Variants in ZNF701 observed in about 807,000 individuals in gnomAD.
ZNF701 encodes the protein zinc finger protein 701.
ZNF701 carries 6 observed loss-of-function variants against 7.1 expected under a neutral mutation model. The ratio of observed to expected loss-of-function variants is 0.84; its 90% confidence interval spans 0.46 to 1.66. The LOEUF (loss-of-function observed/expected upper bound fraction) is 1.66, where lower values mean the gene tolerates loss of function less well. Among genes scored for constraint, ZNF701 ranks in the 40% most tolerant of loss-of-function variants. The probability of loss-of-function intolerance (pLI) is 0.01; values close to 1 mark genes in which losing one functional copy is unlikely to be tolerated. For missense variants in ZNF701, 541 were observed against 559.2 expected (o/e 0.97, Z 0.33); for synonymous variants, 166 against 188.2 (o/e 0.88, Z 0.97).
rs1021500557 is a variant in ZNF701, at chr19:52,586,951, C to T, written c.*3494C>T. On this transcript the variant is annotated 3_prime_UTR_variant, in exon 4 of 4. Coordinates refer to ENST00000391785, the MANE Select transcript of ZNF701 (RefSeq NM_018260.3). ...CTCCGTGTCCCCTGCAGGCCTCGCCCCGGAGCTCTACAATCCTGTGTGCAG... is the reference window on the plus strand; with the variant it reads ...CTCCGTGTCCCCTGCAGGCCTCGCCTCGGAGCTCTACAATCCTGTGTGCAG... 3 of 152,142 alleles carry T rather than the reference C, an allele frequency of 2.0e-5. No homozygotes were observed. The highest frequency in any genetic ancestry group is 7.2e-5 in the African/African-American group (3 of 41,412). The allele number at this position is 152,142 out of a possible 1,614,324, so 9.4% of individuals were successfully genotyped here.
At chr19:52,594,484 G>T in the ZNF701 span, among the ~76,000 whole-genome samples, 66,230 of 151,514 alleles carry the variant, frequency 0.44, 14,512 homozygotes, top group Middle Eastern at 0.47. Context: ...ATGAGCCACC[G>T]CACCTGGCCT....
chr19:52,595,558 C>G, the ZNF701 span: 4 of 734,944 alleles, frequency 5.4e-6, no homozygotes, highest in Non-Finnish European at 8.6e-6. Flanking sequence ...GTGTGAGCCA[C>G]TGCACCTGGC....
At chr19:52,587,368 T>C (rs1303490677), downstream of ZNF701, among the ~76,000 whole-genome samples, 3 of 152,170 alleles carry the variant, frequency 2.0e-5, no homozygotes, top group Admixed American at 6.5e-5. Context: ...GCTCCAGCCA[T>C]ACAGGCCTCT....
rs1358449141 is a variant in ZNF701, at chr19:52,582,564, A to C, written c.505A>C (p.Asn169His). The change falls in exon 4 of 4, where the codon AAC (asparagine) becomes CAC (histidine). Residue 169 changes from asparagine to histidine, a missense_variant. Transcript: ENST00000391785. Reference sequence around the variant, plus strand: ...TGGTAATCAAGTTGAGAAGGCTATCAACGATGCTTTCTCAGTTTCAGCATC... The same window carrying C: ...TGGTAATCAAGTTGAGAAGGCTATCCACGATGCTTTCTCAGTTTCAGCATC... ...KIGNQVEKAINDAFSVSASQR... is the reference protein window; with the variant it reads ...KIGNQVEKAIHDAFSVSASQR... The C allele has an allele frequency of 1.2e-6, 2 of 1,614,108 alleles. No individual in the cohort carries two copies. The highest frequency in any genetic ancestry group is 1.7e-6 in the Non-Finnish European group (2 of 1,180,042).
chr19:52,575,055 C>T (rs943477362), intron 2 of ZNF701, among the ~76,000 whole-genome samples: 5 of 152,118 alleles, frequency 3.3e-5, no homozygotes, highest in African/African-American at 4.8e-5. Flanking sequence ...CTGGAAGCTC[C>T]GCCTCCCAGG....
intron 1 of ZNF701, chr19:52,572,760 C>G (rs762620011): frequency 2.6e-6 from 1 of 383,408 alleles, no homozygotes; most frequent in Non-Finnish European, 5.0e-6. Flanking sequence ...CACTCCACAG[C>G]CCTGTGTCCA....
chr19:52,578,506 C>T (rs1052808279), intron 3 of ZNF701, among the ~76,000 whole-genome samples: 3 of 152,128 alleles, frequency 2.0e-5, no homozygotes, highest in African/African-American at 7.2e-5. Flanking sequence ...TAGTGGTCCC[C>T]CAGGCCCAGC....
chr19:52,599,383 C>A, the ZNF701 span, among the ~76,000 whole-genome samples: 1 of 152,104 alleles, frequency 6.6e-6, no homozygotes, highest in African/African-American at 2.4e-5. Flanking sequence ...TGAGATAATT[C>A]TGAGCCTTGA....
intron 1 of ZNF701, among the ~76,000 whole-genome samples, chr19:52,573,609 ACT>A (rs1416729375): frequency 2.6e-5 from 4 of 151,992 alleles, no homozygotes; most frequent in Non-Finnish European, 5.9e-5. Flanking sequence ...CCTGAGCTCT[ACT>A]GATCCTCCCC....
the ZNF701 span, among the ~76,000 whole-genome samples, chr19:52,592,902 T>C: frequency 1.6e-4 from 19 of 115,714 alleles, 5 homozygotes; most frequent in African/African-American, 6.4e-4. Context: ...AGGTCTCTGG[T>C]TTTCCTAGGC....
chr19:52,597,549 T>G, the ZNF701 span: 2 of 366,858 alleles, frequency 5.5e-6, no homozygotes, highest in Non-Finnish European at 5.3e-6. Context: ...GTGTTTATGT[T>G]AAGAAGATTG....
rs2060014843 is a variant in ZNF701, at chr19:52,586,763, C to T, written c.*3306C>T. 6.6e-6 allele frequency: 1 copy of T among 152,158 alleles called. No individual in the cohort carries two copies. The allele number at this position is 152,158 out of a possible 1,614,324, so 9.4% of individuals were successfully genotyped here. A position where few individuals can be genotyped will look rare whatever the true frequency, so the allele number is the denominator to read the frequency against. ...AAAAGCTCAGTCAGAGTGACACTGA[C>T]CCCTGAAATGATGGGCACAATGGAG... is the stretch of plus-strand genomic sequence containing the variant. On this transcript the variant is annotated 3_prime_UTR_variant, in exon 4 of 4. Transcript: ENST00000391785.
chr19:52,572,563 A>G, intron 1 of ZNF701: 1 of 390,532 alleles, frequency 2.6e-6, no homozygotes, highest in South Asian at 2.1e-5. Context: ...TATCCCTTCC[A>G]GGCCACCATG....
chr19:52,596,292 A>G, the ZNF701 span: 37 of 424,894 alleles, frequency 8.7e-5, no homozygotes, highest in Non-Finnish European at 1.5e-4. Context: ...TACAAGTGTA[A>G]TGAGTGTTCC....
chr19:52,582,179 C>T, intron 3 of ZNF701, 23 bp from the exon 4 acceptor site: 1 of 1,539,714 alleles, frequency 6.5e-7, no homozygotes, highest in Non-Finnish European at 8.7e-7. Context: ...AATTTGAAAC[C>T]TATTTGTGTT....
At position 52,584,302 on chromosome 19, in the gene ZNF701, G is replaced by T. The variant is rs2059995292; in HGVS notation, c.*845G>T. 3 of 215,404 alleles carry T rather than the reference G, an allele frequency of 1.4e-5. No individual in the cohort carries two copies. Among genetic ancestry groups the T allele is most frequent in the Non-Finnish European group, 1.9e-5 (2 of 104,966 alleles). The allele number at this position is 215,404 out of a possible 1,614,324, so 13.3% of individuals were successfully genotyped here. On this transcript the variant is annotated 3_prime_UTR_variant, in exon 4 of 4. Coordinates refer to ENST00000391785, the MANE Select transcript of ZNF701 (RefSeq NM_018260.3). Reference sequence around the variant, plus strand: ...AGTTGACTTAAAACATTCAGTTGAAGCATTAATTGACATTAAAGTGTTTAT... The same window carrying T: ...AGTTGACTTAAAACATTCAGTTGAATCATTAATTGACATTAAAGTGTTTAT...
chr19:52,597,024 A>G, the ZNF701 span: 4 of 1,235,768 alleles, frequency 3.2e-6, no homozygotes, highest in African/African-American at 1.5e-5. Flanking sequence ...TGATTGTCAC[A>G]AAGTCTTCAG....
the ZNF701 span, among the ~76,000 whole-genome samples, chr19:52,598,485 A>T: frequency 6.6e-6 from 1 of 152,118 alleles, no homozygotes; most frequent in Non-Finnish European, 1.5e-5. Context: ...TGCCGCGGGC[A>T]CTGGCAATTA....
In ZNF701 at chr19:52,586,043, T is replaced by C. The variant is rs2060009438; in HGVS notation, c.*2586T>C. The C allele has an allele frequency of 1.3e-5, 2 of 152,216 alleles. No homozygotes were observed. Among genetic ancestry groups the C allele is most frequent in the Admixed American group, 6.5e-5 (1 of 15,272 alleles). The allele number at this position is 152,216 out of a possible 1,614,324, so 9.4% of individuals were successfully genotyped here. On this transcript the variant is annotated 3_prime_UTR_variant, in exon 4 of 4. Transcript: ENST00000391785. ...ACCCATGTGGTTTTTTTTGTTTTTGTTTTTGTTTTTTTGATGGAGATGGGG... is the reference window on the plus strand; with the variant it reads ...ACCCATGTGGTTTTTTTTGTTTTTGCTTTTGTTTTTTTGATGGAGATGGGG...
Sources: gnomAD v4.1 joint callset for allele counts (sites outside exome capture counted in the v4.1 genomes callset) on GRCh38, gnomAD v4.1.1 for gene constraint, MANE v1.5 for transcripts, NCBI Gene and HGNC (gene_info 2026-07-23, HGNC 2026-07-21) for gene names.